Variants in LMX1B observed in about 807,000 individuals in gnomAD.
LMX1B encodes the protein LIM homeobox transcription factor 1 beta.
Under a neutral mutation model 51.4 loss-of-function variants are expected in LMX1B, and 12 were observed. The ratio of observed to expected loss-of-function variants is 0.23; its 90% CI spans 0.15 to 0.38. The LOEUF is 0.38. Ranked by LOEUF, LMX1B falls within the 10% of genes least tolerant of loss-of-function variation. The pLI, the probability that LMX1B is intolerant of heterozygous loss-of-function variation, is 1.00. For synonymous variants in LMX1B, 237 were observed against 235.4 expected (o/e 1.01, Z -0.06); for missense variants, 445 against 571.1 (o/e 0.78, Z 2.25).
chr9:126,654,856 A>G (rs1836082317), intron 2 of LMX1B, among the ~76,000 whole-genome samples: 1 of 152,104 alleles, frequency 6.6e-6, no homozygotes, highest in African/African-American at 2.4e-5. Context: ...CCAGGCCTAG[A>G]CATTCACCCT....
Position 126,615,270 on chromosome 9 carries a change from G to T in LMX1B, c.140-113G>T, listed in dbSNP as rs916706286. ...CCGGGGAGCGCAGGCGGCAGGCGGT[G>T]ATCCCGGGCGGCCCGAGCCCTCGGG... On this transcript the variant is annotated intron_variant, in intron 1 of 7. Transcript: ENST00000373474. The surrounding 1 kb of genome is among the most constrained non-coding windows in gnomAD (Gnocchi z 6.0). 1 of 666,012 alleles carries T rather than the reference G, an allele frequency of 1.5e-6. No individual in the cohort carries two copies. Among genetic ancestry groups the T allele is most frequent in the Admixed American group, 4.9e-5 (1 of 20,540 alleles). The allele number at this position is 666,012 out of a possible 1,614,324, so 41.3% of individuals were successfully genotyped here.
At chr9:126,656,004 G>C (rs1836109570) in intron 2 of LMX1B, among the ~76,000 whole-genome samples, 1 of 152,178 alleles carries the variant, frequency 6.6e-6, no homozygotes, top group African/African-American at 2.4e-5. Flanking sequence ...GTGTACGGGG[G>C]AAGTATGTCA....
chr9:126,644,845 G>A (rs1321003036), intron 2 of LMX1B, among the ~76,000 whole-genome samples: 3 of 152,194 alleles, frequency 2.0e-5, no homozygotes, highest in Non-Finnish European at 2.9e-5. Flanking sequence ...GGAGACAGGC[G>A]TGTTTCACCT....
Position 126,625,819 on chromosome 9 carries a change from T to A in LMX1B, c.326+10250T>A, listed in dbSNP as rs1362370645. On this transcript the variant is annotated intron_variant, in intron 2 of 7. Transcript: ENST00000373474. The surrounding 1 kb of genome is among the most constrained non-coding windows in gnomAD (Gnocchi z 5.3). Reference sequence around the variant, plus strand: ...GGCCCTTCGACGTCGCCGCCGTGCCTGAGCCCCGCTGCCTGCTCGGACAAG... The same window carrying A: ...GGCCCTTCGACGTCGCCGCCGTGCCAGAGCCCCGCTGCCTGCTCGGACAAG... 6.6e-6 allele frequency among the ~76,000 whole-genome samples: 1 copy of A among 152,156 alleles called. No individual in the cohort carries two copies. Among genetic ancestry groups the A allele is most frequent in the Non-Finnish European group, 1.5e-5 (1 of 68,006 alleles).
At position 126,694,504 on chromosome 9, in the gene LMX1B, G is replaced by A. The variant is rs745814253; in HGVS notation, c.886+692G>A. Among the ~76,000 whole-genome samples the A allele has an allele frequency of 7.2e-5, 11 of 152,316 alleles. No homozygotes were observed. In the East Asian group the frequency reaches 7.7e-4, roughly 11 times the overall value. ...TCATCACTGGGCTTTACCAAAAATC[G>A]TGTTTCCACATCAGAATCTTGAGCC... On this transcript the variant is annotated intron_variant, in intron 6 of 7. Coordinates refer to ENST00000373474, the MANE Select transcript of LMX1B (RefSeq NM_001174147.2).
intron 2 of LMX1B, among the ~76,000 whole-genome samples, chr9:126,676,035 C>T (rs1043659241): frequency 7.2e-6 from 1 of 139,296 alleles, no homozygotes; most frequent in South Asian, 2.3e-4. Flanking sequence ...GGCGACAGAG[C>T]GAGACTCCGT....
chr9:126,647,269 A>T (rs1835919785), intron 2 of LMX1B, among the ~76,000 whole-genome samples: 1 of 152,142 alleles, frequency 6.6e-6, no homozygotes, highest in Non-Finnish European at 1.5e-5. Context: ...AAGCAAAGAA[A>T]TGAAAGATCC....
intron 2 of LMX1B, among the ~76,000 whole-genome samples, chr9:126,619,761 C>G (rs1835373971): frequency 1.3e-5 from 2 of 152,180 alleles, no homozygotes; most frequent in Non-Finnish European, 2.9e-5. Flanking sequence ...CTGGCTCACC[C>G]TCGACTCCCC....
intron 2 of LMX1B, among the ~76,000 whole-genome samples, chr9:126,675,119 T>C (rs1431146092): frequency 6.6e-6 from 1 of 151,644 alleles, no homozygotes; most frequent in Non-Finnish European, 1.5e-5. Context: ...AGCGTTTGTA[T>C]AAAAAAGAAA....
In LMX1B at chr9:126,675,918, G is replaced by C. The variant is rs532580083; in HGVS notation, c.327-14918G>C. Among the ~76,000 whole-genome samples the C allele has an allele frequency of 5.5e-5, 8 of 145,820 alleles. No individual in the cohort carries two copies. In the South Asian group the frequency reaches 8.8e-4, roughly 16 times the overall value. On this transcript the variant is annotated intron_variant, in intron 2 of 7. Transcript: ENST00000373474. The stretch of plus-strand genomic sequence containing the variant: ...CAAAAAATTAGCCGGGCGTGGTAGC[G>C]GGCACCTGTAGTCCCAGCTACTCGG...
intron 2 of LMX1B, among the ~76,000 whole-genome samples, chr9:126,664,364 C>T (rs894184178): frequency 6.6e-6 from 1 of 152,140 alleles, no homozygotes; most frequent in Non-Finnish European, 1.5e-5. Context: ...ACCCCCGCAG[C>T]GCAGCCCAGC....
chr9:126,651,546 C>A (rs1311757025), intron 2 of LMX1B, among the ~76,000 whole-genome samples: 1 of 152,070 alleles, frequency 6.6e-6, no homozygotes. Flanking sequence ...CCCCTCCCAA[C>A]AACACACACA....
chr9:126,638,939 G>A (rs1835762923), intron 2 of LMX1B, among the ~76,000 whole-genome samples: 1 of 152,128 alleles, frequency 6.6e-6, no homozygotes, highest in Admixed American at 6.5e-5. Flanking sequence ...CAGCTCCTAG[G>A]TGCGGACTGA....
chr9:126,616,347 G>A (rs962820083), intron 2 of LMX1B, among the ~76,000 whole-genome samples: 2 of 152,224 alleles, frequency 1.3e-5, no homozygotes, highest in African/African-American at 4.8e-5. Context: ...TGAGGCCAGA[G>A]ATGTGGGTTG....
At chr9:126,631,350 A>C (rs898893526) in intron 2 of LMX1B, among the ~76,000 whole-genome samples, 1 of 152,268 alleles carries the variant, frequency 6.6e-6, no homozygotes, top group Admixed American at 6.5e-5. Context: ...AGGGAGCATC[A>C]GGGACTCAAC....
At chr9:126,675,285 G>A (rs1400935313) in intron 2 of LMX1B, among the ~76,000 whole-genome samples, 1 of 152,196 alleles carries the variant, frequency 6.6e-6, no homozygotes, top group Non-Finnish European at 1.5e-5. Context: ...AGGGTCAAAT[G>A]AAAGACCTGG....
intron 2 of LMX1B, among the ~76,000 whole-genome samples, chr9:126,640,015 T>C (rs1835779380): frequency 6.6e-6 from 1 of 152,274 alleles, no homozygotes; most frequent in African/African-American, 2.4e-5. Flanking sequence ...TTGATTTCTT[T>C]TTATAATTCC....
chr9:126,686,123 A>G (rs1253075797), intron 2 of LMX1B, among the ~76,000 whole-genome samples: 1 of 152,036 alleles, frequency 6.6e-6, no homozygotes, highest in Non-Finnish European at 1.5e-5. Context: ...ACTAAAAAAT[A>G]CAAAAAATTA....
chr9:126,628,570 G>T (rs972047765), intron 2 of LMX1B, among the ~76,000 whole-genome samples: 1 of 152,174 alleles, frequency 6.6e-6, no homozygotes, highest in East Asian at 1.9e-4. Context: ...TCTACGCTGC[G>T]AAACAACACT....
Sources: allele counts gnomAD v4.1 joint callset (sites outside exome capture counted in the v4.1 genomes callset), GRCh38; gene constraint gnomAD v4.1.1; non-coding constraint Gnocchi (gnomAD v3.1); transcripts MANE v1.5; gene names NCBI Gene and HGNC (gene_info 2026-07-23, HGNC 2026-07-21).